CNBD1: variants seen among roughly 807,000 people sequenced by gnomAD.
The protein encoded by CNBD1 is cyclic nucleotide binding domain containing 1, also known as cyclic nucleotide-binding domain-containing protein 1.
In CNBD1, 71 loss-of-function variants were observed where a neutral mutation model predicts 54.4. The ratio of observed to expected loss-of-function variants is 1.30; its 90% CI spans 1.08 to 1.59. The LOEUF (loss-of-function observed/expected upper bound fraction) is 1.59, where lower values mean the gene tolerates loss of function less well. Ranked by LOEUF, CNBD1 falls within the 40% of genes most tolerant of loss-of-function variation. CNBD1 has a pLI of 0.00. For synonymous variants in CNBD1, 182 were observed against 170.7 expected (o/e 1.07, Z -0.51); for missense variants, 659 against 518.0 (o/e 1.27, Z -2.64).
chr8:86,936,038 G>A (rs528939963), intron 3 of CNBD1, among the ~76,000 whole-genome samples: 32 of 152,218 alleles, frequency 2.1e-4, no homozygotes, highest in African/African-American at 7.7e-4. Flanking sequence ...TACTTGGGAG[G>A]GTGAGGTGGG....
chr8:87,255,012 T>A (rs1322205090), intron 6 of CNBD1, among the ~76,000 whole-genome samples: 1 of 152,174 alleles, frequency 6.6e-6, no homozygotes, highest in Non-Finnish European at 1.5e-5. Flanking sequence ...TACTACCTGA[T>A]CTTTATGCAT....
intron 3 of CNBD1, among the ~76,000 whole-genome samples, chr8:86,915,227 A>T (rs1334855560): frequency 6.8e-6 from 1 of 146,536 alleles, no homozygotes; most frequent in Non-Finnish European, 1.5e-5. Context: ...CCACAGGAGC[A>T]GTTGGTGGGT....
At chr8:87,035,625 T>A (rs1215061653) in intron 4 of CNBD1, among the ~76,000 whole-genome samples, 1 of 152,218 alleles carries the variant, frequency 6.6e-6, no homozygotes. Flanking sequence ...TTTTATTCTG[T>A]GTTTCTAAAT....
intron 3 of CNBD1, among the ~76,000 whole-genome samples, chr8:86,922,819 A>G (rs986191084): frequency 6.6e-6 from 1 of 152,126 alleles, no homozygotes; most frequent in Non-Finnish European, 1.5e-5. Flanking sequence ...GAGATGTTCT[A>G]ATTTAGAGTC....
intron 2 of CNBD1, among the ~76,000 whole-genome samples, chr8:87,400,750 A>T (rs908243535): frequency 1.3e-5 from 2 of 151,980 alleles, no homozygotes; most frequent in African/African-American, 4.8e-5. Flanking sequence ...AGGAAAAAAA[A>T]TTACTTATCC....
chr8:87,151,710 A>C (rs374331085), intron 4 of CNBD1, among the ~76,000 whole-genome samples: 1 of 152,130 alleles, frequency 6.6e-6, no homozygotes, highest in Non-Finnish European at 1.5e-5. Flanking sequence ...ATTTACCATT[A>C]ATTTGCAAAT....
intron 6 of CNBD1, among the ~76,000 whole-genome samples, chr8:87,277,716 G>A (rs929473255): frequency 2.0e-5 from 3 of 151,648 alleles, no homozygotes; most frequent in Admixed American, 6.6e-5. Context: ...ATTGGTTGGG[G>A]CCATTTAGTC....
At chr8:87,224,576 G>T (rs574013503) in intron 5 of CNBD1, among the ~76,000 whole-genome samples, 2 of 151,390 alleles carry the variant, frequency 1.3e-5, no homozygotes, top group East Asian at 3.9e-4. Context: ...TATTTCTGAG[G>T]GCTCTGTTCT....
intron 4 of CNBD1, among the ~76,000 whole-genome samples, chr8:87,055,635 G>A (rs1052277616): frequency 1.3e-5 from 2 of 152,158 alleles, no homozygotes; most frequent in African/African-American, 4.8e-5. Flanking sequence ...CTGTAGCTGT[G>A]ATTTTTCAGG....
intron 4 of CNBD1, among the ~76,000 whole-genome samples, chr8:87,119,754 CTTCT>C (rs1269553585): frequency 6.6e-6 from 1 of 151,860 alleles, no homozygotes; most frequent in Non-Finnish European, 1.5e-5. Flanking sequence ...AGGTATGTTC[CTTCT>C]ATGTCTAGTT....
At chr8:87,364,039 G>C (rs1434716682) in intron 10 of CNBD1, among the ~76,000 whole-genome samples, 1 of 150,794 alleles carries the variant, frequency 6.6e-6, no homozygotes, top group Non-Finnish European at 1.5e-5. Context: ...CTCAAATGTT[G>C]TTGTTTTCTA....
chr8:87,175,540 C>T (rs991812325), intron 4 of CNBD1, among the ~76,000 whole-genome samples: 3 of 152,132 alleles, frequency 2.0e-5, no homozygotes, highest in Non-Finnish European at 4.4e-5. Flanking sequence ...AAATGTCATC[C>T]AAGAGCTAAG....
intron 8 of CNBD1, among the ~76,000 whole-genome samples, chr8:87,343,120 T>C (rs1368147997): frequency 6.6e-6 from 1 of 152,212 alleles, no homozygotes; most frequent in Non-Finnish European, 1.5e-5. Flanking sequence ...ACTTGCTTTC[T>C]GCAAGAAGAA....
intron 10 of CNBD1, among the ~76,000 whole-genome samples, chr8:87,376,591 G>C (rs75399716): frequency 0.015 from 2,314 of 151,968 alleles, 68 homozygotes; most frequent in African/African-American, 0.053. Flanking sequence ...CACACATTTG[G>C]ACATATGTAT....
intron 4 of CNBD1, among the ~76,000 whole-genome samples, chr8:86,965,977 C>T (rs549851907): frequency 1.6e-4 from 25 of 152,236 alleles, no homozygotes; most frequent in African/African-American, 5.5e-4. Context: ...GTCCTCCTGT[C>T]CTGTCTCTGC....
At chr8:87,185,614 T>C (rs779784558) in intron 4 of CNBD1, among the ~76,000 whole-genome samples, 1 of 152,146 alleles carries the variant, frequency 6.6e-6, no homozygotes, top group African/African-American at 2.4e-5. Context: ...AATTATAAGG[T>C]TTCTACTCTG....
At chr8:86,891,083 C>G (rs1226971110) in intron 2 of CNBD1, among the ~76,000 whole-genome samples, 1 of 151,922 alleles carries the variant, frequency 6.6e-6, no homozygotes, top group Non-Finnish European at 1.5e-5. Flanking sequence ...TGTGCAGAAG[C>G]TTTTAGTTTG....
At chr8:86,908,873 C>A (rs1340203417) in intron 3 of CNBD1, among the ~76,000 whole-genome samples, 1 of 148,720 alleles carries the variant, frequency 6.7e-6, no homozygotes, top group African/African-American at 2.5e-5. Context: ...TCAAGTGATT[C>A]TCCAGCCTCA....
At chr8:87,279,973 A>G (rs1255904115) in intron 6 of CNBD1, among the ~76,000 whole-genome samples, 2 of 150,980 alleles carry the variant, frequency 1.3e-5, no homozygotes, top group Non-Finnish European at 3.0e-5. Flanking sequence ...CCTGAAAGAT[A>G]TTTTTTTTCT....
Sources: allele counts gnomAD v4.1 joint callset (sites outside exome capture counted in the v4.1 genomes callset), GRCh38; gene constraint gnomAD v4.1.1; transcripts MANE v1.5; gene names NCBI Gene and HGNC (gene_info 2026-07-23, HGNC 2026-07-21).